Variants in GLIS3 observed in about 807,000 individuals in gnomAD.
The protein encoded by GLIS3 is GLIS family zinc finger 3.
GLIS3 carries 53 observed loss-of-function variants against 78.6 expected under a neutral mutation model. The ratio of observed to expected loss-of-function variants is 0.67; its 90% CI spans 0.54 to 0.85. The LOEUF (loss-of-function observed/expected upper bound fraction) is 0.85. GLIS3 is among the 40% of genes least tolerant of loss of function. The pLI, the probability that GLIS3 is intolerant of heterozygous loss-of-function variation, is 0.00. For synonymous variants in GLIS3, 684 were observed against 509.9 expected (o/e 1.34, Z -4.60); for missense variants, 1,703 against 1,231.1 (o/e 1.38, Z -5.74).
At chr9:3,934,034 G>A (rs1435133987) in intron 5 of GLIS3, among the ~76,000 whole-genome samples, 1 of 152,180 alleles carries the variant, frequency 6.6e-6, no homozygotes, top group African/African-American at 2.4e-5. Flanking sequence ...TTTCAGACTA[G>A]GGATCTAAAA....
chr9:4,279,896 A>G lies in GLIS3; in HGVS notation c.388+6142T>C, dbSNP rs1002531638. On this transcript the variant is annotated intron_variant, in intron 2 of 10. Coordinates refer to ENST00000381971, the MANE Select transcript of GLIS3 (RefSeq NM_001042413.2). ...AAGGTAATATATGATCTTTGATTAG[A>G]AAAAAAAAACAGCTATAAAGGACAA... Among the ~76,000 whole-genome samples, 8 of 150,010 alleles carry G rather than the reference A, an allele frequency of 5.3e-5. No homozygotes were observed. The East Asian group carries it at 5.8e-4, about 11-fold the overall frequency.
At chr9:3,931,853 T>C (rs1825640917) in intron 6 of GLIS3, among the ~76,000 whole-genome samples, 1 of 152,220 alleles carries the variant, frequency 6.6e-6, no homozygotes, top group African/African-American at 2.4e-5. Context: ...AATCCAGAAA[T>C]CTGCTTTTTC....
At chr9:4,401,555 T>G in the GLIS3 span, among the ~76,000 whole-genome samples, 1 of 149,952 alleles carries the variant, frequency 6.7e-6, no homozygotes, top group Non-Finnish European at 1.5e-5. Flanking sequence ...TGAGCCACCG[T>G]GCCTGTCCTT....
At chr9:4,123,943 C>T in intron 3 of GLIS3, 1 of 391,860 alleles carries the variant, frequency 2.6e-6, no homozygotes, top group Non-Finnish European at 4.5e-6. Context: ...GCCCCCTTTT[C>T]CACTTCCATC....
At chr9:4,315,234 A>G (rs73386217) in intron 2 of GLIS3, among the ~76,000 whole-genome samples, 7,884 of 152,222 alleles carry the variant, frequency 0.052, 703 homozygotes, top group African/African-American at 0.18. Context: ...AAATCTCGTC[A>G]TCTTGTCAGT....
intron 4 of GLIS3, among the ~76,000 whole-genome samples, chr9:4,044,312 T>C (rs771190873): frequency 1.5e-4 from 23 of 152,206 alleles, no homozygotes; most frequent in Non-Finnish European, 4.4e-5. Context: ...CATATGATTA[T>C]ACAGATCTGT....
the GLIS3 span, among the ~76,000 whole-genome samples, chr9:4,432,483 G>C: frequency 1.3e-5 from 2 of 152,032 alleles, no homozygotes; most frequent in Non-Finnish European, 2.9e-5. Flanking sequence ...AGTCTGGAAA[G>C]GTAAGAAGGC....
Position 3,977,008 on chromosome 9 carries a change from A to G in GLIS3, c.1711-39819T>C, listed in dbSNP as rs1487229408. Among the ~76,000 whole-genome samples the G allele has an allele frequency of 2.0e-5, 3 of 152,014 alleles. No individual in the cohort carries two copies. The highest frequency in any genetic ancestry group is 4.4e-5 in the Non-Finnish European group (3 of 67,984). Reference sequence around the variant, plus strand: ...ATGACAGATGGCTCCTGCTAGTTAAAAAAAAATTAGCTAAAATTTCAGATA... The same window carrying G: ...ATGACAGATGGCTCCTGCTAGTTAAGAAAAAATTAGCTAAAATTTCAGATA... On this transcript the variant is annotated intron_variant, in intron 4 of 10. Coordinates refer to ENST00000381971, the MANE Select transcript of GLIS3 (RefSeq NM_001042413.2). This position sits in a 1 kb window ranked among gnomAD's most constrained non-coding sequence, Gnocchi z 4.1.
chr9:3,965,497 C>T (rs789262), intron 4 of GLIS3, among the ~76,000 whole-genome samples: 69,349 of 151,896 alleles, frequency 0.46, 16,099 homozygotes, highest in East Asian at 0.49. Flanking sequence ...CCCAACGCCT[C>T]TTTCCTAATT....
At chr9:4,057,372 C>T (rs1035667682) in intron 4 of GLIS3, among the ~76,000 whole-genome samples, 1 of 152,100 alleles carries the variant, frequency 6.6e-6, no homozygotes, top group Non-Finnish European at 1.5e-5. Context: ...TAAATTCTCC[C>T]TGGGTGGATC....
chr9:4,188,734 T>C (rs1818038379), intron 2 of GLIS3, among the ~76,000 whole-genome samples: 1 of 152,216 alleles, frequency 6.6e-6, no homozygotes, highest in Non-Finnish European at 1.5e-5. Flanking sequence ...GGAGGGTGTA[T>C]GTGTCGAGGA....
At chr9:4,225,278 T>C (rs1266181929) in intron 2 of GLIS3, among the ~76,000 whole-genome samples, 1 of 152,196 alleles carries the variant, frequency 6.6e-6, no homozygotes, top group African/African-American at 2.4e-5. Flanking sequence ...CTAGGACCTG[T>C]GACTCAAATG....
the GLIS3 span, among the ~76,000 whole-genome samples, chr9:4,370,790 C>T: frequency 2.1e-4 from 32 of 151,910 alleles, no homozygotes; most frequent in East Asian, 3.9e-4. Flanking sequence ...CCATTCTCAA[C>T]GTACATTGGA....
the GLIS3 span, among the ~76,000 whole-genome samples, chr9:4,413,889 G>T: frequency 8.5e-5 from 13 of 152,166 alleles, no homozygotes; most frequent in African/African-American, 2.9e-4. Context: ...TGAGGTTCTG[G>T]CTATCCAAAT....
At chr9:4,329,971 C>A (rs1196852876) in intron 2 of GLIS3, among the ~76,000 whole-genome samples, 1 of 149,190 alleles carries the variant, frequency 6.7e-6, no homozygotes, top group East Asian at 2.0e-4. Flanking sequence ...TTCAATTAAT[C>A]TTTGTGTTTT....
At chr9:4,180,821 C>T (rs904953579) in intron 2 of GLIS3, among the ~76,000 whole-genome samples, 8 of 152,106 alleles carry the variant, frequency 5.3e-5, no homozygotes, top group African/African-American at 1.9e-4. Flanking sequence ...GGGCAAAATA[C>T]CAGTCAATAA....
At chr9:4,377,675 G>T in the GLIS3 span, among the ~76,000 whole-genome samples, 2 of 151,944 alleles carry the variant, frequency 1.3e-5, no homozygotes, top group African/African-American at 4.8e-5. Context: ...GAATATGGCT[G>T]GTTTTACATT....
At chr9:4,175,527 A>C (rs1816736354) in intron 2 of GLIS3, among the ~76,000 whole-genome samples, 1 of 152,206 alleles carries the variant, frequency 6.6e-6, no homozygotes, top group Admixed American at 6.5e-5. Flanking sequence ...ACACATAAAC[A>C]CACACGAGGT....
chr9:4,015,907 A>G (rs1303288944), intron 4 of GLIS3, among the ~76,000 whole-genome samples: 1 of 151,678 alleles, frequency 6.6e-6, no homozygotes, highest in Non-Finnish European at 1.5e-5. Context: ...AAAAAAAAAA[A>G]AAAAAGATTT....
Sources: gnomAD v4.1 joint callset for allele counts (sites outside exome capture counted in the v4.1 genomes callset) on GRCh38, gnomAD v4.1.1 for gene constraint, Gnocchi (gnomAD v3.1) non-coding constraint, MANE v1.5 for transcripts, NCBI Gene and HGNC (gene_info 2026-07-23, HGNC 2026-07-21) for gene names.